Variants in LHX8 observed in about 807,000 individuals in gnomAD.
LHX8 encodes LIM homeobox 8.
In LHX8, 12 loss-of-function variants were observed where a neutral mutation model predicts 40.3. That is an observed-to-expected ratio of 0.30 (90% CI 0.19 to 0.48). LHX8 has a LOEUF of 0.48. Ranked by LOEUF, LHX8 falls within the 20% of genes least tolerant of loss-of-function variation. The pLI is 0.99. For synonymous variants in LHX8, 179 were observed against 162.0 expected, an observed-to-expected ratio of 1.10 and a Z score of -0.80; for missense variants, 344 against 433.7, an observed-to-expected ratio of 0.79 and a Z score of 1.84.
the LHX8 span, among the ~76,000 whole-genome samples, chr1:75,196,306 C>A: frequency 6.6e-6 from 1 of 152,080 alleles, no homozygotes; most frequent in South Asian, 2.1e-4. Flanking sequence ...GAGAAAAGTT[C>A]ATGGAGCTGT....
At chr1:75,131,499 C>CA (rs1194433193), upstream of LHX8, 1 of 152,534 alleles carries the variant, frequency 6.6e-6, no homozygotes, top group Non-Finnish European at 1.5e-5. Context: ...ACGGCGCCTG[C>CA]AGTGCGAGCT....
At chr1:75,156,230 TG>T (rs11340806) in intron 7 of LHX8, among the ~76,000 whole-genome samples, 49,980 of 127,128 alleles carry the variant, frequency 0.39, 9,357 homozygotes, top group East Asian at 0.74. Context: ...TTGTTGTTGT[TG>T]TTGTTTTGTT....
the LHX8 span, among the ~76,000 whole-genome samples, chr1:75,190,192 G>C: frequency 6.6e-6 from 1 of 152,104 alleles, no homozygotes; most frequent in African/African-American, 2.4e-5. Context: ...CGAATGAGAG[G>C]CCAAGGAAAC....
At chr1:75,179,614 C>A in the LHX8 span, among the ~76,000 whole-genome samples, 1 of 150,352 alleles carries the variant, frequency 6.7e-6, no homozygotes, top group Admixed American at 6.7e-5. Flanking sequence ...CTGAATACAG[C>A]ACTCTTGATG....
rs1400410779 is a variant in LHX8 at position 75,156,227 on chromosome 1, TGTTG to T, written c.781-665_781-662del. 8.3e-4 allele frequency among the ~76,000 whole-genome samples: 105 copies of T among 125,912 alleles called. 1 individual carries two copies. Among genetic ancestry groups the T allele is most frequent in the African/African-American group, 2.3e-3 (90 of 38,524 alleles). 82.6% of individuals were successfully genotyped at this position (125,912 alleles called of 152,430 possible). A position where few individuals can be genotyped will look rare whatever the true frequency, so the allele number is the denominator to read the frequency against. Reference sequence around the variant, plus strand: ...GTTTGGGCTTTGTTGTTGTTGTTGTTGTTGTTGTTTTGTTTTGTTTTGTTTTGTT... The same window carrying T: ...GTTTGGGCTTTGTTGTTGTTGTTGTTTTGTTTTGTTTTGTTTTGTTTTGTT... On this transcript the variant is annotated intron_variant, in intron 7 of 8. Transcript: ENST00000356261.
At chr1:75,148,786 TC>T in intron 7 of LHX8, 104 bp downstream of exon 7, 1 of 789,382 alleles carries the variant, frequency 1.3e-6, no homozygotes. Flanking sequence ...TAAGTGATTC[TC>T]CCACCTCAGC....
chr1:75,175,362 A>G, the LHX8 span, among the ~76,000 whole-genome samples: 1 of 152,206 alleles, frequency 6.6e-6, no homozygotes, highest in Non-Finnish European at 1.5e-5. Flanking sequence ...ATGTACTCTT[A>G]GTTCTTAAAG....
At chr1:75,180,218 TG>T in the LHX8 span, among the ~76,000 whole-genome samples, 1 of 152,182 alleles carries the variant, frequency 6.6e-6, no homozygotes, top group Non-Finnish European at 1.5e-5. Context: ...CTGTATTTCC[TG>T]AATTTGAATA....
chr1:75,157,080 G>C lies in LHX8; in HGVS notation c.964+4G>C, dbSNP rs1476916587. ...GCGCTGCATAGTTATATGGATGGTA[G>C]GTATCCCAACATTTAACAGCTGTCT... On this transcript the variant is annotated splice_donor_region_variant and intron_variant, in intron 8 of 8. Coordinates refer to ENST00000356261, the MANE Select transcript of LHX8 (RefSeq NM_001256114.2). The C allele has an allele frequency of 1.2e-6, 2 of 1,613,990 alleles. No homozygotes were observed.
chr1:75,148,742 T>C, intron 7 of LHX8, 60 bp downstream of exon 7: 1 of 1,172,796 alleles, frequency 8.5e-7, no homozygotes, highest in Non-Finnish European at 1.3e-6. Context: ...TGGGTCTCCC[T>C]ATGTTGCCCA....
At chr1:75,186,540 A>G in the LHX8 span, among the ~76,000 whole-genome samples, 1 of 152,192 alleles carries the variant, frequency 6.6e-6, no homozygotes, top group Admixed American at 6.5e-5. Context: ...CCATGATAAA[A>G]GGCTGCAAGG....
At chr1:75,176,807 G>A in the LHX8 span, among the ~76,000 whole-genome samples, 2 of 152,154 alleles carry the variant, frequency 1.3e-5, no homozygotes, top group African/African-American at 2.4e-5. Flanking sequence ...TGGTTTTTAG[G>A]TCTAAAATGT....
intron 7 of LHX8, among the ~76,000 whole-genome samples, chr1:75,151,139 C>A (rs1312882632): frequency 1.3e-5 from 2 of 152,098 alleles, no homozygotes; most frequent in Non-Finnish European, 2.9e-5. Context: ...GGTACTTATT[C>A]TTCTGTAAGC....
chr1:75,135,509 G>C (rs1453760741), intron 1 of LHX8, among the ~76,000 whole-genome samples: 1 of 152,200 alleles, frequency 6.6e-6, no homozygotes, highest in Non-Finnish European at 1.5e-5. Flanking sequence ...CCGACGGTCC[G>C]GGAGGCCCCC....
chr1:75,150,364 G>A (rs956803246), intron 7 of LHX8, among the ~76,000 whole-genome samples: 3 of 152,230 alleles, frequency 2.0e-5, no homozygotes, highest in Non-Finnish European at 4.4e-5. Flanking sequence ...TAATTATGCA[G>A]TGATGGTGGC....
At chr1:75,189,769 T>C in the LHX8 span, among the ~76,000 whole-genome samples, 7 of 152,212 alleles carry the variant, frequency 4.6e-5, no homozygotes, top group Admixed American at 2.0e-4. Context: ...CTTTCTAAGA[T>C]TGATATCTAT....
chr1:75,194,065 C>A, the LHX8 span, among the ~76,000 whole-genome samples: 10 of 152,168 alleles, frequency 6.6e-5, no homozygotes, highest in African/African-American at 2.4e-4. Flanking sequence ...AGAAGCACTC[C>A]TTCACTAATC....
the LHX8 span, among the ~76,000 whole-genome samples, chr1:75,171,853 G>A: frequency 6.6e-6 from 1 of 152,188 alleles, no homozygotes; most frequent in East Asian, 1.9e-4. Flanking sequence ...GGCAGAGGGA[G>A]AAGGAGCATG....
At chr1:75,150,681 CTTT>C in intron 7 of LHX8, among the ~76,000 whole-genome samples, 1 of 135,154 alleles carries the variant, frequency 7.4e-6, no homozygotes, top group Admixed American at 7.5e-5. Flanking sequence ...AATTTTATTT[CTTT>C]TTTTTTTTTT....
Sources: gnomAD v4.1 joint callset for allele counts (sites outside exome capture counted in the v4.1 genomes callset) on GRCh38, gnomAD v4.1.1 for gene constraint, MANE v1.5 for transcripts, NCBI Gene and HGNC (gene_info 2026-07-23, HGNC 2026-07-21) for gene names.